DLGAP1: variants seen among roughly 807,000 people sequenced by gnomAD.
DLGAP1 encodes the protein DLG associated protein 1, also known as disks large-associated protein 1.
A neutral mutation model predicts 90.8 loss-of-function variants in DLGAP1; 11 were observed. The observed-to-expected ratio is 0.12, with a 90% CI of 0.08 to 0.20. The LOEUF is 0.20. DLGAP1 is among the 10% of genes least tolerant of loss of function. The probability of loss-of-function intolerance (pLI) is 1.00; values close to 1 mark genes in which losing one functional copy is unlikely to be tolerated. For synonymous variants in DLGAP1, 558 were observed against 540.7 expected (o/e 1.03, Z -0.44); for missense variants, 1,050 against 1,333.8 (o/e 0.79, Z 3.31).
chr18:3,717,842 T>C (rs2061819028), intron 7 of DLGAP1, among the ~76,000 whole-genome samples: 1 of 152,214 alleles, frequency 6.6e-6, no homozygotes, highest in African/African-American at 2.4e-5. Context: ...ACAAAGTGAC[T>C]GGTATTTAAA....
Position 4,157,596 on chromosome 18 carries a change from C to T in DLGAP1, c.-266-6309G>A, listed in dbSNP as rs955858754. 5.3e-5 allele frequency among the ~76,000 whole-genome samples: 8 copies of T among 152,288 alleles called. 1 individual carries two copies. The South Asian group carries it at 1.4e-3, about 28-fold the overall frequency. On this transcript the variant is annotated intron_variant, in intron 1 of 12. Coordinates refer to ENST00000315677, the MANE Select transcript of DLGAP1 (RefSeq NM_004746.4). ...GCTCAGAAAAGCCCTGTGCTTTGTT[C>T]AGTGATTTTAGTAGTTGAACCAGTG... is the stretch of plus-strand genomic sequence containing the variant.
intron 5 of DLGAP1, among the ~76,000 whole-genome samples, chr18:3,752,961 G>A (rs1184958367): frequency 6.6e-6 from 1 of 151,646 alleles, no homozygotes; most frequent in Non-Finnish European, 1.5e-5. Flanking sequence ...TTATTTTTTT[G>A]GCTATTATGA....
At chr18:4,306,206 T>A (rs1027292796) in intron 1 of DLGAP1, among the ~76,000 whole-genome samples, 2 of 152,074 alleles carry the variant, frequency 1.3e-5, no homozygotes, top group Non-Finnish European at 2.9e-5. Context: ...GAGCTCTGAA[T>A]GAAGAAAGCT....
chr18:4,197,160 G>C (rs1396056122), intron 1 of DLGAP1, among the ~76,000 whole-genome samples: 5 of 115,308 alleles, frequency 4.3e-5, no homozygotes, highest in Non-Finnish European at 8.2e-5. Flanking sequence ...GGACAGGAGC[G>C]AAACTCTGTC....
intron 5 of DLGAP1, among the ~76,000 whole-genome samples, chr18:3,787,643 C>T (rs1207874082): frequency 6.6e-6 from 1 of 152,060 alleles, no homozygotes; most frequent in Admixed American, 6.6e-5. Context: ...CTGCATGATC[C>T]TCTTGGCAGT....
At chr18:3,507,645 C>T (rs948753390) in intron 11 of DLGAP1, among the ~76,000 whole-genome samples, 1 of 151,938 alleles carries the variant, frequency 6.6e-6, no homozygotes, top group Non-Finnish European at 1.5e-5. Context: ...TAATTGTCTT[C>T]ACTTGCCAAA....
chr18:3,765,361 A>T (rs1331523884), intron 5 of DLGAP1, among the ~76,000 whole-genome samples: 1 of 149,952 alleles, frequency 6.7e-6, no homozygotes, highest in African/African-American at 2.5e-5. Context: ...CGATCTCCTG[A>T]CCTCATGATC....
chr18:4,041,475 T>C (rs1215925000), intron 2 of DLGAP1, among the ~76,000 whole-genome samples: 1 of 152,224 alleles, frequency 6.6e-6, no homozygotes, highest in African/African-American at 2.4e-5. Flanking sequence ...TTAGGTAATG[T>C]TTCATGTTTG....
chr18:3,804,225 T>C (rs7228364), intron 5 of DLGAP1, among the ~76,000 whole-genome samples: 2,106 of 152,174 alleles, frequency 0.014, 41 homozygotes, highest in African/African-American at 0.047. Flanking sequence ...CCTCAAGTGA[T>C]CTGCCTGCCC....
chr18:3,946,611 A>C (rs866802398), intron 3 of DLGAP1, among the ~76,000 whole-genome samples: 36 of 152,300 alleles, frequency 2.4e-4, no homozygotes, highest in African/African-American at 8.2e-4. Flanking sequence ...ACAATCAGAG[A>C]AACAAACAAA....
chr18:3,975,582 GC>G (rs370747449), intron 3 of DLGAP1, among the ~76,000 whole-genome samples: 1 of 152,098 alleles, frequency 6.6e-6, no homozygotes, highest in Non-Finnish European at 1.5e-5. Flanking sequence ...GGTATATACT[GC>G]AAAAAATAGA....
At chr18:3,599,689 G>T (rs1234224052) in intron 7 of DLGAP1, among the ~76,000 whole-genome samples, 1 of 152,068 alleles carries the variant, frequency 6.6e-6, no homozygotes, top group Non-Finnish European at 1.5e-5. Flanking sequence ...GCGCGATCTC[G>T]GCTCACTGCA....
intron 1 of DLGAP1, among the ~76,000 whole-genome samples, chr18:4,426,657 C>T (rs1274092382): frequency 6.6e-6 from 1 of 152,190 alleles, no homozygotes; most frequent in Non-Finnish European, 1.5e-5. Flanking sequence ...AATATTACTA[C>T]ACTATAGGTT....
intron 2 of DLGAP1, among the ~76,000 whole-genome samples, chr18:4,088,612 A>C (rs552188366): frequency 6.6e-6 from 1 of 152,300 alleles, no homozygotes; most frequent in Non-Finnish European, 1.5e-5. Context: ...TTTGTTTGAA[A>C]AAGTTATTAT....
At chr18:3,945,106 T>C (rs1447505783) in intron 3 of DLGAP1, among the ~76,000 whole-genome samples, 2 of 152,212 alleles carry the variant, frequency 1.3e-5, no homozygotes, top group African/African-American at 2.4e-5. Flanking sequence ...TCCCACATGC[T>C]CTTAACTAAC....
intron 9 of DLGAP1, among the ~76,000 whole-genome samples, chr18:3,547,850 C>T (rs1434660646): frequency 1.3e-5 from 2 of 152,070 alleles, no homozygotes. Flanking sequence ...CCCAAATATC[C>T]ATAAACAGAT....
At chr18:4,071,253 T>A (rs914968774) in intron 2 of DLGAP1, among the ~76,000 whole-genome samples, 7 of 152,150 alleles carry the variant, frequency 4.6e-5, no homozygotes, top group African/African-American at 1.7e-4. Context: ...TGTGTGTGTG[T>A]GTATTCAAAT....
chr18:4,219,700 A>C (rs190145264), intron 1 of DLGAP1, among the ~76,000 whole-genome samples: 2,113 of 152,038 alleles, frequency 0.014, 29 homozygotes, highest in Middle Eastern at 0.037. Flanking sequence ...CTGTTTGTGG[A>C]TATTCAGTTG....
chr18:4,108,205 T>C (rs2075904002), intron 2 of DLGAP1, among the ~76,000 whole-genome samples: 1 of 152,136 alleles, frequency 6.6e-6, no homozygotes, highest in Admixed American at 6.5e-5. Flanking sequence ...CCTCCCATAA[T>C]AACCCTCATA....
Sources: gnomAD v4.1 joint callset for allele counts (sites outside exome capture counted in the v4.1 genomes callset) on GRCh38, gnomAD v4.1.1 for gene constraint, MANE v1.5 for transcripts, NCBI Gene and HGNC (gene_info 2026-07-23, HGNC 2026-07-21) for gene names.